The following PCDHGA2 variants were observed in gnomAD, a reference collection of about 807,000 sequenced individuals.
PCDHGA2 encodes protocadherin gamma subfamily A, 2.
A neutral mutation model predicts 59.2 loss-of-function variants in PCDHGA2; 40 were observed. The ratio of observed to expected loss-of-function variants is 0.68; its 90% CI spans 0.52 to 0.88. The LOEUF (loss-of-function observed/expected upper bound fraction) is 0.88, where lower values mean the gene tolerates loss of function less well. Ranked by LOEUF, PCDHGA2 falls within the 40% of genes least tolerant of loss-of-function variation. The pLI is 0.00. For synonymous variants in PCDHGA2, 560 were observed against 526.0 expected, an observed-to-expected ratio of 1.06 and a Z score of -0.89; for missense variants, 1,226 against 1,204.0, an observed-to-expected ratio of 1.02 and a Z score of -0.27.
At position 141,491,151 on chromosome 5, in the gene PCDHGA2, T is replaced by C. The variant is rs1283775894; in HGVS notation, c.2425-3656T>C. The C allele has an allele frequency of 6.2e-7, 1 of 1,614,150 alleles. No individual in the cohort carries two copies. On this transcript the variant is annotated intron_variant, in intron 1 of 3. Transcript: ENST00000394576. The surrounding 1 kb of genome is among the most constrained non-coding windows in gnomAD (Gnocchi z 6.9). ...GCACAGCCCGGGCCTTACTGGAGGA[T>C]GACTCTGACACCCAGCAGGTGGTGG...
chr5:141,509,155 C>G (rs981661695), intron 3 of PCDHGA2, among the ~76,000 whole-genome samples: 3 of 152,202 alleles, frequency 2.0e-5, no homozygotes, highest in Non-Finnish European at 4.4e-5. Flanking sequence ...GCTCTCCCCT[C>G]CCGTGTGCCC....
chr5:141,365,735 G>T (rs1764082475), intron 1 of PCDHGA2: 6 of 1,613,626 alleles, frequency 3.7e-6, no homozygotes, highest in Non-Finnish European at 5.1e-6. Flanking sequence ...TCCCAGAGGT[G>T]TCTCTATCTT....
At chr5:141,353,805 C>T (rs1034354632) in intron 1 of PCDHGA2, among the ~76,000 whole-genome samples, 3 of 152,170 alleles carry the variant, frequency 2.0e-5, no homozygotes, top group Non-Finnish European at 2.9e-5. Context: ...TCTTATTTCA[C>T]CTCTCAATCA....
chr5:141,365,219 A>C (rs569659080), intron 1 of PCDHGA2: 3 of 1,613,844 alleles, frequency 1.9e-6, no homozygotes, highest in African/African-American at 2.7e-5. Context: ...ACTTGATTCC[A>C]ACCTGGGGGA....
intron 1 of PCDHGA2, chr5:141,350,441 A>G (rs754364956): frequency 1.9e-6 from 3 of 1,610,584 alleles, no homozygotes; most frequent in Non-Finnish European, 2.5e-6. Context: ...GGAGTTGCCA[A>G]CTCGAAAACT....
intron 1 of PCDHGA2, chr5:141,342,657 T>C (rs1332146247): frequency 2.0e-5 from 3 of 152,342 alleles, no homozygotes; most frequent in East Asian, 3.9e-4. Flanking sequence ...TGTAAGTGAA[T>C]AATAAAGTAT....
At chr5:141,355,130 A>AC in intron 1 of PCDHGA2, 1 of 1,518,662 alleles carries the variant, frequency 6.6e-7, no homozygotes, top group East Asian at 2.3e-5. Context: ...TTGGACCCAG[A>AC]AGATCCTGGG....
At chr5:141,351,478 A>C in intron 1 of PCDHGA2, 2 of 1,613,924 alleles carry the variant, frequency 1.2e-6, no homozygotes, top group Non-Finnish European at 1.7e-6. Context: ...CTGGAGCCCT[A>C]AACCGGGAGC....
intron 1 of PCDHGA2, chr5:141,410,314 C>T: frequency 6.2e-7 from 1 of 1,614,036 alleles, no homozygotes; most frequent in Non-Finnish European, 8.5e-7. Context: ...TGCTCTTCCT[C>T]CTCGCCGTGA....
At chr5:141,423,754 GGGGGGGT>G in intron 1 of PCDHGA2, 1 of 577,826 alleles carries the variant, frequency 1.7e-6, no homozygotes, top group Non-Finnish European at 2.2e-6. Flanking sequence ...ACTGTTTGGG[GGGGGGGT>G]GGGGCGGCAT....
At chr5:141,346,764 C>G (rs1757799860) in intron 1 of PCDHGA2, among the ~76,000 whole-genome samples, 1 of 152,222 alleles carries the variant, frequency 6.6e-6, no homozygotes, top group Non-Finnish European at 1.5e-5. Flanking sequence ...ACTGCTCCTT[C>G]TACCTGGGTC....
In PCDHGA2 at chr5:141,439,058, TGGCA is replaced by T. The variant is rs1241503235; in HGVS notation, c.2425-55745_2425-55742del. On this transcript the variant is annotated intron_variant, in intron 1 of 3. Transcript: ENST00000394576. ...CAGTTCATAAGATTTCCATATTGTG[TGGCA>T]GGCGCCTGTAATCCCAGCTACTCAG... 2.0e-5 allele frequency among the ~76,000 whole-genome samples: 3 copies of T among 151,580 alleles called. No individual in the cohort carries two copies. The East Asian group carries it at 5.9e-4, about 30-fold the overall frequency.
intron 1 of PCDHGA2, chr5:141,364,177 C>T (rs1432921471): frequency 3.5e-6 from 3 of 848,492 alleles, no homozygotes; most frequent in East Asian, 3.0e-5. Context: ...GACTCTGCTC[C>T]CTCCATACTA....
chr5:141,386,487 A>G (rs1374608231), intron 1 of PCDHGA2, among the ~76,000 whole-genome samples: 1 of 149,584 alleles, frequency 6.7e-6, no homozygotes, highest in African/African-American at 2.5e-5. Context: ...GCCCACCTAG[A>G]TAATATAACA....
intron 1 of PCDHGA2, among the ~76,000 whole-genome samples, chr5:141,454,796 ATTTTTTTTTTTTTT>A (rs61612330): frequency 5.2e-5 from 4 of 77,408 alleles, no homozygotes; most frequent in Non-Finnish European, 9.3e-5. Flanking sequence ...CATGGTTCTA[ATTTTTTTTTTTTTT>A]TTTTTTTTTT....
intron 1 of PCDHGA2, among the ~76,000 whole-genome samples, chr5:141,348,496 T>A (rs1165507036): frequency 1.3e-5 from 2 of 152,088 alleles, no homozygotes; most frequent in African/African-American, 2.4e-5. Flanking sequence ...AGAAAAAAAA[T>A]TAATTAGCTG....
intron 1 of PCDHGA2, among the ~76,000 whole-genome samples, chr5:141,442,967 G>T (rs553833025): frequency 1.3e-5 from 2 of 152,220 alleles, no homozygotes; most frequent in African/African-American, 2.4e-5. Context: ...AGACATTCTG[G>T]CTGATAAAGT....
At chr5:141,406,448 A>G (rs149183502) in intron 1 of PCDHGA2, among the ~76,000 whole-genome samples, 1 of 152,348 alleles carries the variant, frequency 6.6e-6, no homozygotes, top group African/African-American at 2.4e-5. Context: ...TTCCATTTCT[A>G]TGACAGGAAA....
At chr5:141,392,782 A>G (rs1375306296) in intron 1 of PCDHGA2, 1 of 1,540,122 alleles carries the variant, frequency 6.5e-7, no homozygotes, top group Non-Finnish European at 8.7e-7. Context: ...TGCACAGTGA[A>G]GATTCTGAGA....
Sources: allele counts gnomAD v4.1 joint callset (sites outside exome capture counted in the v4.1 genomes callset), GRCh38; gene constraint gnomAD v4.1.1; non-coding constraint Gnocchi (gnomAD v3.1); transcripts MANE v1.5; gene names NCBI Gene and HGNC (gene_info 2026-07-23, HGNC 2026-07-21).